Variants in SUCLG2 observed in about 807,000 individuals in gnomAD.
SUCLG2 encodes the protein succinate-CoA ligase GDP-forming subunit beta, also known as succinate--CoA ligase [GDP-forming] subunit beta, mitochondrial.
A neutral mutation model predicts 47.9 loss-of-function variants in SUCLG2; 42 were observed. That is an observed-to-expected ratio of 0.88 (90% CI 0.69 to 1.14). The LOEUF (loss-of-function observed/expected upper bound fraction) is 1.14, where lower values mean the gene tolerates loss of function less well. SUCLG2 is among the 50% of genes most tolerant of loss of function. The probability of loss-of-function intolerance (pLI) is 0.00; values close to 1 mark genes in which losing one functional copy is unlikely to be tolerated. For synonymous variants in SUCLG2, 195 were observed against 197.3 expected (o/e 0.99, Z 0.10); for missense variants, 571 against 525.9 (o/e 1.09, Z -0.84).
chr3:67,370,902 C>T (rs1251252139), downstream of SUCLG2, among the ~76,000 whole-genome samples: 1 of 152,126 alleles, frequency 6.6e-6, no homozygotes, highest in African/African-American at 2.4e-5. Flanking sequence ...AACGATTTAT[C>T]ATTGTGATGT....
chr3:67,525,736 G>C (rs1263603464), intron 4 of SUCLG2, among the ~76,000 whole-genome samples: 1 of 152,122 alleles, frequency 6.6e-6, no homozygotes, highest in Admixed American at 6.5e-5. Flanking sequence ...AGAGGACTTA[G>C]ACCTGATACT....
rs549452009 is a variant in SUCLG2 at position 67,381,295 on chromosome 3, T to C, written c.1184-5436A>G. ...GGAAGAAAAGAATTAGAGGAAGCCT[T>C]GGAAATGACTGTGAGTTTCTGCATT... is the stretch of plus-strand genomic sequence containing the variant. On this transcript the variant is annotated intron_variant, in intron 10 of 10. Transcript: ENST00000307227. Among the ~76,000 whole-genome samples, 3 of 152,308 alleles carry C rather than the reference T, an allele frequency of 2.0e-5. No homozygotes were observed. In the South Asian group the frequency reaches 6.2e-4, roughly 32 times the overall value.
chr3:67,477,033 A>G (rs1036962223), intron 9 of SUCLG2, among the ~76,000 whole-genome samples: 19 of 152,094 alleles, frequency 1.2e-4, no homozygotes, highest in African/African-American at 4.6e-4. Flanking sequence ...AACAACTGTC[A>G]TGATTCTTGA....
chr3:67,432,432 G>A (rs981072971), intron 9 of SUCLG2, among the ~76,000 whole-genome samples: 1 of 152,194 alleles, frequency 6.6e-6, no homozygotes, highest in Admixed American at 6.5e-5. Context: ...ATGCACTGGT[G>A]AAACCTTGGG....
chr3:67,440,663 C>G (rs1559527330), intron 9 of SUCLG2, among the ~76,000 whole-genome samples: 1 of 152,200 alleles, frequency 6.6e-6, no homozygotes, highest in Non-Finnish European at 1.5e-5. Flanking sequence ...AAATGCAAAT[C>G]AAAACCACAG....
intron 9 of SUCLG2, among the ~76,000 whole-genome samples, chr3:67,480,664 T>A (rs1490650915): frequency 6.6e-6 from 1 of 152,204 alleles, no homozygotes; most frequent in African/African-American, 2.4e-5. Flanking sequence ...GCCTCTTTCA[T>A]GAGCTTCCAC....
intron 1 of SUCLG2, among the ~76,000 whole-genome samples, chr3:67,638,590 A>T (rs148352929): frequency 6.6e-6 from 1 of 152,368 alleles, no homozygotes; most frequent in Non-Finnish European, 1.5e-5. Context: ...GGACAATCGA[A>T]CATAATTTGG....
intron 2 of SUCLG2, among the ~76,000 whole-genome samples, chr3:67,592,702 T>A (rs1708191585): frequency 9.4e-6 from 1 of 106,544 alleles, no homozygotes; most frequent in Admixed American, 1.5e-4. Context: ...TAAGCATATG[T>A]AACTCTCACA....
chr3:67,395,426 A>C (rs1249197944), intron 10 of SUCLG2, among the ~76,000 whole-genome samples: 1 of 152,264 alleles, frequency 6.6e-6, no homozygotes, highest in Non-Finnish European at 1.5e-5. Context: ...CAGACAAAGA[A>C]GGCCATTACA....
At chr3:67,501,599 G>A (rs1381336786) in intron 7 of SUCLG2, among the ~76,000 whole-genome samples, 1 of 152,054 alleles carries the variant, frequency 6.6e-6, no homozygotes, top group African/African-American at 2.4e-5. Flanking sequence ...GGTAAGTCTT[G>A]GTGGAGGCTT....
intron 1 of SUCLG2, among the ~76,000 whole-genome samples, chr3:67,629,291 T>G (rs1025368869): frequency 6.6e-6 from 1 of 152,188 alleles, no homozygotes; most frequent in Non-Finnish European, 1.5e-5. Flanking sequence ...GGTTAAGGGC[T>G]CAGTCCCCCA....
chr3:67,638,145 C>G (rs2107363591), intron 1 of SUCLG2, among the ~76,000 whole-genome samples: 1 of 152,296 alleles, frequency 6.6e-6, no homozygotes, highest in Non-Finnish European at 1.5e-5. Context: ...CTATTATTTA[C>G]AAGTTGGATG....
chr3:67,377,697 A>T (rs1702063547), intron 10 of SUCLG2, among the ~76,000 whole-genome samples: 1 of 152,128 alleles, frequency 6.6e-6, no homozygotes, highest in South Asian at 2.1e-4. Context: ...TGTGTCACCC[A>T]AGATGGAGTG....
intron 2 of SUCLG2, among the ~76,000 whole-genome samples, chr3:67,586,785 G>C (rs925501734): frequency 1.2e-4 from 19 of 152,180 alleles, no homozygotes; most frequent in African/African-American, 4.3e-4. Context: ...TATGTTCAGA[G>C]ATTTAAGTAA....
intron 2 of SUCLG2, among the ~76,000 whole-genome samples, chr3:67,599,056 G>T (rs1310928811): frequency 6.6e-6 from 1 of 151,942 alleles, no homozygotes; most frequent in Non-Finnish European, 1.5e-5. Flanking sequence ...GAAACTTTAG[G>T]GTATACAACT....
chr3:67,438,667 C>T (rs1389980687), intron 9 of SUCLG2, among the ~76,000 whole-genome samples: 1 of 152,108 alleles, frequency 6.6e-6, no homozygotes, highest in Non-Finnish European at 1.5e-5. Flanking sequence ...GACACATACA[C>T]CCTCCCAAGA....
Position 67,374,736 on chromosome 3 carries a change from T to C in SUCLG2, c.*1008A>G, listed in dbSNP as rs1274273884. On this transcript the variant is annotated 3_prime_UTR_variant, in exon 11 of 11. Coordinates refer to ENST00000307227, the MANE Select transcript of SUCLG2 (RefSeq NM_003848.4). ...CACAGATCTTACAGCTTACAAAACATAATTTTATTTAAATTTGTATAGATA... is the reference window on the plus strand; with the variant it reads ...CACAGATCTTACAGCTTACAAAACACAATTTTATTTAAATTTGTATAGATA... The C allele has an allele frequency of 1.3e-5, 12 of 894,620 alleles. No individual in the cohort carries two copies. Among genetic ancestry groups the C allele is most frequent in the Non-Finnish European group, 1.6e-5 (12 of 747,642 alleles). The allele number at this position is 894,620 out of a possible 1,614,324, so 55.4% of individuals were successfully genotyped here.
At chr3:67,633,840 C>A (rs1352368345) in intron 1 of SUCLG2, among the ~76,000 whole-genome samples, 1 of 151,952 alleles carries the variant, frequency 6.6e-6, no homozygotes, top group Non-Finnish European at 1.5e-5. Context: ...CCGCTTTCTG[C>A]CTACTTTTAG....
chr3:67,495,927 C>A lies in SUCLG2; in HGVS notation c.933G>T (p.Gly311=). ...TGATATCACAAGTAGCCATGGCGAG[C>A]CCAGCACCATTCACTGTGAAATGCA... ...GNIACFVNGA[G]LAMATCDIIF... is the part of the protein sequence containing the mutation. The change falls in exon 9 of 11, where the codon GGG becomes GGT. Residue 311 remains glycine, a synonymous_variant. Transcript: ENST00000307227. 6.2e-7 allele frequency: 1 copy of A among 1,613,922 alleles called. No individual in the cohort carries two copies. Among genetic ancestry groups the A allele is most frequent in the Non-Finnish European group, 8.5e-7 (1 of 1,179,902 alleles).
Sources: gnomAD v4.1 joint callset for allele counts (sites outside exome capture counted in the v4.1 genomes callset) on GRCh38, gnomAD v4.1.1 for gene constraint, MANE v1.5 for transcripts, NCBI Gene and HGNC (gene_info 2026-07-23, HGNC 2026-07-21) for gene names.